The following TNR variants were observed in gnomAD, a reference collection of about 807,000 sequenced individuals.
The protein encoded by TNR is tenascin R, also known as tenascin-R.
Under a neutral mutation model 150.4 loss-of-function variants are expected in TNR, and 45 were observed. That is an observed-to-expected ratio of 0.30 (90% CI 0.24 to 0.38). The LOEUF (loss-of-function observed/expected upper bound fraction) is 0.38, where lower values mean the gene tolerates loss of function less well. Among genes scored for constraint, TNR ranks in the 10% least tolerant of loss-of-function variants. TNR has a pLI of 1.00. For synonymous variants in TNR, 687 were observed against 678.4 expected (o/e 1.01, Z -0.20); for missense variants, 1,544 against 1,759.1 (o/e 0.88, Z 2.19).
chr1:175,531,787 T>C (rs1243835472), intron 1 of TNR, among the ~76,000 whole-genome samples: 1 of 152,234 alleles, frequency 6.6e-6, no homozygotes, highest in East Asian at 1.9e-4. Flanking sequence ...GTGCATTATA[T>C]TTTCCTTCCT....
At chr1:175,423,710 C>T (rs1289483012) in intron 2 of TNR, among the ~76,000 whole-genome samples, 3 of 152,216 alleles carry the variant, frequency 2.0e-5, no homozygotes, top group South Asian at 2.1e-4. Flanking sequence ...GCAAGCATCA[C>T]AGTCCAAGGT....
In TNR at chr1:175,559,441, A is replaced by C. The variant is rs574403675; in HGVS notation, c.-164-31072T>G. On this transcript the variant is annotated intron_variant, in intron 1 of 22. Coordinates refer to ENST00000367674, the MANE Select transcript of TNR (RefSeq NM_003285.3). Reference sequence around the variant, plus strand: ...ACCAGCTTAAGAAAGAAAACATTTTAAATAGAATGAAAATTGTGTTTTTCC... The same window carrying C: ...ACCAGCTTAAGAAAGAAAACATTTTCAATAGAATGAAAATTGTGTTTTTCC... Among the ~76,000 whole-genome samples, 32 of 152,324 alleles carry C rather than the reference A, an allele frequency of 2.1e-4. 2 individuals carry two copies. The South Asian group carries it at 6.4e-3, about 31-fold the overall frequency.
At chr1:175,536,293 T>G (rs900478853) in intron 1 of TNR, among the ~76,000 whole-genome samples, 2 of 152,332 alleles carry the variant, frequency 1.3e-5, no homozygotes, top group Admixed American at 6.5e-5. Flanking sequence ...ATGATCCATA[T>G]TTTTTATGGA....
rs1376686838 is a variant in TNR at position 175,418,508 on chromosome 1, G to C, written c.-63-11731C>G. Among the ~76,000 whole-genome samples, 3 of 152,180 alleles carry C rather than the reference G, an allele frequency of 2.0e-5. No homozygotes were observed. In the East Asian group the frequency reaches 5.8e-4, roughly 29 times the overall value. On this transcript the variant is annotated intron_variant, in intron 2 of 22. Coordinates refer to ENST00000367674, the MANE Select transcript of TNR (RefSeq NM_003285.3). ...GGAGGCCAAGGCAGATGGATCACGA[G>C]GTCAGGAGATTGAGACCATTCTGGC... is the stretch of plus-strand genomic sequence containing the variant.
chr1:175,674,261 A>C (rs1454784025), intron 1 of TNR, among the ~76,000 whole-genome samples: 1 of 152,214 alleles, frequency 6.6e-6, no homozygotes, highest in Non-Finnish European at 1.5e-5. Flanking sequence ...TGCAGGGATG[A>C]ATGCTCATTT....
intron 20 of TNR, among the ~76,000 whole-genome samples, chr1:175,330,995 G>A (rs1353702120): frequency 1.9e-5 from 2 of 104,066 alleles, no homozygotes; most frequent in South Asian, 3.3e-4. Flanking sequence ...ATCCCTCTTG[G>A]TGATTCTTTC....
chr1:175,480,129 A>C (rs1399435029), intron 2 of TNR, among the ~76,000 whole-genome samples: 1 of 152,068 alleles, frequency 6.6e-6, no homozygotes, highest in Non-Finnish European at 1.5e-5. Flanking sequence ...GACTCCTCCT[A>C]CATGTCTCTG....
At chr1:175,730,632 T>C (rs1203188880) in intron 1 of TNR, among the ~76,000 whole-genome samples, 2 of 152,234 alleles carry the variant, frequency 1.3e-5, no homozygotes, top group Admixed American at 1.3e-4. Context: ...GGAATGTAAG[T>C]GTGAATAAGA....
At chr1:175,508,179 T>A (rs1021068975) in intron 2 of TNR, among the ~76,000 whole-genome samples, 1 of 152,152 alleles carries the variant, frequency 6.6e-6, no homozygotes, top group African/African-American at 2.4e-5. Context: ...AAAACCTAGA[T>A]GATGGGTTGA....
chr1:175,640,688 C>T (rs1664627494), intron 1 of TNR, among the ~76,000 whole-genome samples: 1 of 151,996 alleles, frequency 6.6e-6, no homozygotes, highest in African/African-American at 2.4e-5. Flanking sequence ...AGACAATGCC[C>T]TCAGCTACCC....
At chr1:175,635,321 T>G (rs537136700) in intron 1 of TNR, among the ~76,000 whole-genome samples, 1 of 152,224 alleles carries the variant, frequency 6.6e-6, no homozygotes, top group Non-Finnish European at 1.5e-5. Context: ...CTCTAATTTT[T>G]CTCTTTAAAC....
Position 175,486,477 on chromosome 1 carries a change from A to G in TNR, c.-64+41792T>C, listed in dbSNP as rs538026567. 7.9e-5 allele frequency among the ~76,000 whole-genome samples: 12 copies of G among 152,300 alleles called. No homozygotes were observed. The South Asian group carries it at 2.5e-3, about 32-fold the overall frequency. On this transcript the variant is annotated intron_variant, in intron 2 of 22. Coordinates refer to ENST00000367674, the MANE Select transcript of TNR (RefSeq NM_003285.3). ...AACTCATCCTTTTTTATGGCTGCAT[A>G]GTATTCCATGGTGTATATGTGCCAC... is the stretch of plus-strand genomic sequence containing the variant.
intron 18 of TNR, among the ~76,000 whole-genome samples, chr1:175,353,665 C>G (rs578198486): frequency 5.9e-5 from 9 of 152,152 alleles, no homozygotes; most frequent in African/African-American, 1.7e-4. Context: ...CATAGGAATG[C>G]AAAAGTCCTT....
At chr1:175,417,584 A>G (rs1390095334) in intron 2 of TNR, among the ~76,000 whole-genome samples, 1 of 152,188 alleles carries the variant, frequency 6.6e-6, no homozygotes, top group Admixed American at 6.5e-5. Flanking sequence ...TATGTGCTAA[A>G]CATGGGCTCA....
intron 1 of TNR, among the ~76,000 whole-genome samples, chr1:175,671,838 C>T (rs770214839): frequency 2.0e-4 from 30 of 151,932 alleles, no homozygotes; most frequent in Non-Finnish European, 3.4e-4. Flanking sequence ...CATAATTACT[C>T]GGGCAGCCCA....
At chr1:175,641,943 T>C (rs1012598201) in intron 1 of TNR, among the ~76,000 whole-genome samples, 3 of 152,182 alleles carry the variant, frequency 2.0e-5, no homozygotes, top group Non-Finnish European at 4.4e-5. Context: ...TGGAATCTAA[T>C]AGGTGTTAGA....
At chr1:175,636,315 C>A (rs1664490399) in intron 1 of TNR, among the ~76,000 whole-genome samples, 1 of 152,146 alleles carries the variant, frequency 6.6e-6, no homozygotes, top group Non-Finnish European at 1.5e-5. Flanking sequence ...GTCCTTTACA[C>A]ATATAAGCAC....
Position 175,391,442 on chromosome 1 carries a change from G to A in TNR, c.1357-4C>T. ...CAATCACTCCCCCTTCATTGTTCTG[G>A]ACAGTGGGGAGAAGCAGAGAGCAAA... On this transcript the variant is annotated splice_region_variant and splice_polypyrimidine_tract_variant and intron_variant, in intron 6 of 22. Coordinates refer to ENST00000367674, the MANE Select transcript of TNR (RefSeq NM_003285.3). 1 of 1,613,452 alleles carries A rather than the reference G, an allele frequency of 6.2e-7. No homozygotes were observed. Among genetic ancestry groups the A allele is most frequent in the African/African-American group, 1.3e-5 (1 of 75,020 alleles).
At chr1:175,568,008 G>A (rs1470857397) in intron 1 of TNR, among the ~76,000 whole-genome samples, 1 of 152,140 alleles carries the variant, frequency 6.6e-6, no homozygotes, top group Non-Finnish European at 1.5e-5. Flanking sequence ...AAGTTAGCAG[G>A]TATATTTCTT....
Sources: gnomAD v4.1 joint callset for allele counts (sites outside exome capture counted in the v4.1 genomes callset) on GRCh38, gnomAD v4.1.1 for gene constraint, MANE v1.5 for transcripts, NCBI Gene and HGNC (gene_info 2026-07-23, HGNC 2026-07-21) for gene names.